Variants in SPATA13 observed in about 807,000 individuals in gnomAD.
The protein encoded by SPATA13 is spermatogenesis-associated protein 13.
A neutral mutation model predicts 104.0 loss-of-function variants in SPATA13; 50 were observed. The ratio of observed to expected loss-of-function variants is 0.48; its 90% confidence interval spans 0.38 to 0.61. SPATA13 has a LOEUF of 0.61. Among genes scored for constraint, SPATA13 ranks in the 20% least tolerant of loss-of-function variants. SPATA13 has a pLI of 0.00. For missense variants in SPATA13, 1,524 were observed against 1,690.6 expected, an observed-to-expected ratio of 0.90 and a Z score of 1.73; for synonymous variants, 606 against 667.5, an observed-to-expected ratio of 0.91 and a Z score of 1.42.
chr13:24,156,658 C>A (rs527828678), upstream of SPATA13, among the ~76,000 whole-genome samples: 1 of 152,198 alleles, frequency 6.6e-6, no homozygotes, highest in East Asian at 1.9e-4. Flanking sequence ...ATATAGCAAA[C>A]GCACCTTATC....
chr13:24,224,324 G>A lies in SPATA13; in HGVS notation c.1395G>A (p.Arg465=). Residue 465 remains arginine, a synonymous_variant, in exon 2 of 13, where the codon AGG becomes AGA. Coordinates refer to ENST00000382108, the MANE Select transcript of SPATA13 (RefSeq NM_001166271.3). ...CTGAGCAGCCTCCCACCCCTCTAAG[G>A]CCCACCACACCCAAGCCCCAGAGCC... ...FDPEQPPTPL[R]PTTPKPQSPQ... 1 of 1,551,658 alleles carries A rather than the reference G, an allele frequency of 6.4e-7. No homozygotes were observed. Among genetic ancestry groups the A allele is most frequent in the East Asian group, 2.4e-5 (1 of 40,918 alleles).
chr13:24,294,608 A>G (rs1593511385), intron 9 of SPATA13, 131 bp from the exon 10 acceptor site: 1 of 915,412 alleles, frequency 1.1e-6, no homozygotes, highest in East Asian at 2.9e-5. Flanking sequence ...AAAGGGAAAC[A>G]GTGGCTAATG....
intron 3 of SPATA13, among the ~76,000 whole-genome samples, chr13:24,155,277 C>T (rs1882226120): frequency 1.3e-5 from 2 of 152,152 alleles, no homozygotes; most frequent in Admixed American, 1.3e-4. Context: ...TGCTCCATCC[C>T]CAGTGACAGA....
chr13:24,294,949 C>A, intron 10 of SPATA13, 81 bp downstream of exon 10: 5 of 1,425,516 alleles, frequency 3.5e-6, no homozygotes, highest in Non-Finnish European at 4.8e-6. Flanking sequence ...ACTTTAATAT[C>A]CTGTGGTCAA....
At chr13:24,254,522 C>CCTCT (rs1873681774) in intron 4 of SPATA13, 1 of 152,142 alleles carries the variant, frequency 6.6e-6, no homozygotes. Context: ...TTCTCTGTGA[C>CCTCT]GTTCTGGGCC....
intron 1 of SPATA13, among the ~76,000 whole-genome samples, chr13:24,185,818 C>CAG (rs71070657): frequency 0.4 from 60,121 of 149,080 alleles, 14,046 homozygotes; most frequent in Non-Finnish European, 0.53. Context: ...CATCAAGAGA[C>CAG]AGAGAGAGAG....
chr13:24,070,292 G>A (rs1045435116), intron 3 of SPATA13, among the ~76,000 whole-genome samples: 1 of 152,190 alleles, frequency 6.6e-6, no homozygotes, highest in Non-Finnish European at 1.5e-5. Flanking sequence ...TAGCCCTGAT[G>A]CGTGGCTGAC....
chr13:24,300,044 TTGCTC>T (rs1346934040), intron 11 of SPATA13, among the ~76,000 whole-genome samples: 1 of 152,182 alleles, frequency 6.6e-6, no homozygotes, highest in Non-Finnish European at 1.5e-5. Flanking sequence ...CTGGGACCCT[TTGCTC>T]TGTCCTCTCC....
intron 3 of SPATA13, among the ~76,000 whole-genome samples, chr13:24,142,736 TCTC>T: frequency 6.6e-6 from 1 of 152,192 alleles, no homozygotes; most frequent in Non-Finnish European, 1.5e-5. Context: ...TTTTTCTCCT[TCTC>T]CTTCTCCTGG....
chr13:24,247,910 A>G (rs1873248306), intron 2 of SPATA13, among the ~76,000 whole-genome samples: 1 of 151,596 alleles, frequency 6.6e-6, no homozygotes, highest in East Asian at 1.9e-4. Context: ...TCTACCAGCC[A>G]CCATTTTGGT....
intron 2 of SPATA13, among the ~76,000 whole-genome samples, chr13:24,226,086 A>G (rs1245570069): frequency 6.6e-6 from 1 of 152,188 alleles, no homozygotes; most frequent in East Asian, 1.9e-4. Flanking sequence ...TAGGCTCAGA[A>G]TGGAGGAAGT....
intron 2 of SPATA13, among the ~76,000 whole-genome samples, chr13:24,225,664 G>C (rs944430708): frequency 1.6e-4 from 24 of 152,326 alleles, no homozygotes; most frequent in Admixed American, 7.8e-4. Context: ...GTTGCATGTT[G>C]CAGCTGCCTG....
intron 3 of SPATA13, among the ~76,000 whole-genome samples, chr13:24,071,147 A>T (rs1879147828): frequency 6.6e-6 from 1 of 152,182 alleles, no homozygotes; most frequent in African/African-American, 2.4e-5. Context: ...GCTTAAGCCC[A>T]GTCATAAACT....
intron 1 of SPATA13, among the ~76,000 whole-genome samples, chr13:24,202,147 G>A (rs1051174968): frequency 2.0e-5 from 3 of 152,072 alleles, no homozygotes; most frequent in African/African-American, 7.2e-5. Flanking sequence ...TCCTATATTC[G>A]TTGATACATC....
chr13:24,117,186 C>T (rs898050105), intron 3 of SPATA13, among the ~76,000 whole-genome samples: 2 of 152,060 alleles, frequency 1.3e-5, no homozygotes, highest in African/African-American at 4.8e-5. Context: ...AACAACTGTA[C>T]CTACATTGTA....
intron 2 of SPATA13, among the ~76,000 whole-genome samples, chr13:24,004,352 G>T (rs985849824): frequency 1.3e-5 from 2 of 152,286 alleles, no homozygotes; most frequent in East Asian, 3.9e-4. Flanking sequence ...CGGCAGTGTT[G>T]ACAGTTAGTG....
At chr13:24,014,535 T>C (rs796993987) in intron 2 of SPATA13, among the ~76,000 whole-genome samples, 1 of 152,344 alleles carries the variant, frequency 6.6e-6, no homozygotes, top group East Asian at 1.9e-4. Flanking sequence ...TAAAGTAAGC[T>C]AGAGAAAATA....
intron 3 of SPATA13, among the ~76,000 whole-genome samples, chr13:24,112,979 C>T (rs1880697041): frequency 6.6e-6 from 1 of 152,178 alleles, no homozygotes; most frequent in South Asian, 2.1e-4. Flanking sequence ...GGGCTACTTA[C>T]TGTAATGAGT....
intron 1 of SPATA13, among the ~76,000 whole-genome samples, chr13:24,186,606 A>G (rs1025600617): frequency 1.3e-5 from 2 of 152,228 alleles, no homozygotes; most frequent in Non-Finnish European, 2.9e-5. Context: ...TAGGCCCAAG[A>G]GCTAAAGAGA....
Sources: gnomAD v4.1 joint callset for allele counts (sites outside exome capture counted in the v4.1 genomes callset) on GRCh38, gnomAD v4.1.1 for gene constraint, MANE v1.5 for transcripts, NCBI Gene and HGNC (gene_info 2026-07-23, HGNC 2026-07-21) for gene names.